PDE4D: variants seen among roughly 807,000 people sequenced by gnomAD.
PDE4D encodes the protein 3',5'-cyclic-AMP phosphodiesterase 4D.
In PDE4D, 24 loss-of-function variants were observed where a neutral mutation model predicts 87.4. The observed-to-expected ratio is 0.27, with a 90% CI of 0.20 to 0.39. The LOEUF (loss-of-function observed/expected upper bound fraction) is 0.39. Ranked by LOEUF, PDE4D falls within the 10% of genes least tolerant of loss-of-function variation. The pLI is 1.00. For synonymous variants in PDE4D, 384 were observed against 383.2 expected (o/e 1.00, Z -0.02); for missense variants, 714 against 1,041.0 (o/e 0.69, Z 4.32).
chr5:59,477,667 G>A (rs1285100938), intron 1 of PDE4D, among the ~76,000 whole-genome samples: 1 of 151,970 alleles, frequency 6.6e-6, no homozygotes, highest in Non-Finnish European at 1.5e-5. Context: ...TTAAAACAGA[G>A]GTACCATTCA....
chr5:59,562,127 GTT>G (rs869050793), intron 1 of PDE4D, among the ~76,000 whole-genome samples: 1 of 151,774 alleles, frequency 6.6e-6, no homozygotes, highest in Non-Finnish European at 1.5e-5. Context: ...AGCCCAAAGT[GTT>G]TTTTGTTTTG....
chr5:59,303,831 C>T (rs562335595), intron 1 of PDE4D, among the ~76,000 whole-genome samples: 1 of 152,058 alleles, frequency 6.6e-6, no homozygotes, highest in African/African-American at 2.4e-5. Context: ...TGTGATGCCT[C>T]CAGATTTGTA....
Position 59,653,848 on chromosome 5 carries a change from A to G in PDE4D, c.455+239320T>C, listed in dbSNP as rs541754584. Among the ~76,000 whole-genome samples, 415 of 138,048 alleles carry G rather than the reference A, an allele frequency of 3.0e-3. 1 individual carries two copies. The highest frequency in any genetic ancestry group is 9.9e-3 in the African/African-American group (373 of 37,620). 90.6% of individuals were successfully genotyped at this position (138,048 alleles called of 152,430 possible). ...ACAGGAGGGAAGAAGGAAGAGGAAAAGGGGGAAAGAAGAAGAAGGGAAGAG... is the reference window on the plus strand; with the variant it reads ...ACAGGAGGGAAGAAGGAAGAGGAAAGGGGGGAAAGAAGAAGAAGGGAAGAG... On this transcript the variant is annotated intron_variant, in intron 1 of 14. Coordinates refer to ENST00000340635, the MANE Select transcript of PDE4D (RefSeq NM_001104631.2).
intron 2 of PDE4D, among the ~76,000 whole-genome samples, chr5:60,015,289 G>C (rs1480504096): frequency 6.6e-6 from 1 of 152,202 alleles, no homozygotes; most frequent in Non-Finnish European, 1.5e-5. Flanking sequence ...GGAAGATTGT[G>C]ATAGCTAGTC....
At chr5:60,395,002 T>G (rs1340716256) in intron 1 of PDE4D, among the ~76,000 whole-genome samples, 1 of 152,180 alleles carries the variant, frequency 6.6e-6, no homozygotes, top group Non-Finnish European at 1.5e-5. Context: ...AGAGCTAATG[T>G]CTAAGGCTAT....
chr5:59,848,652 G>T (rs1744229215), intron 1 of PDE4D, among the ~76,000 whole-genome samples: 1 of 151,980 alleles, frequency 6.6e-6, no homozygotes, highest in African/African-American at 2.4e-5. Context: ...TATTAAGAGT[G>T]AGTAAAGCAC....
chr5:59,590,081 A>G (rs1410809652), intron 1 of PDE4D, among the ~76,000 whole-genome samples: 1 of 152,194 alleles, frequency 6.6e-6, no homozygotes, highest in East Asian at 1.9e-4. Flanking sequence ...ATTTTTGCAG[A>G]CATAAGGCAA....
At chr5:59,264,378 G>T (rs1762515153) in intron 1 of PDE4D, among the ~76,000 whole-genome samples, 2 of 152,014 alleles carry the variant, frequency 1.3e-5, no homozygotes. Flanking sequence ...TTGCAATAAT[G>T]GAGGGATTTC....
intron 1 of PDE4D, among the ~76,000 whole-genome samples, chr5:60,258,306 TAGAA>T (rs1318511071): frequency 2.0e-5 from 3 of 151,656 alleles, no homozygotes; most frequent in Non-Finnish European, 4.4e-5. Context: ...GAAAAATAAA[TAGAA>T]AGACATAAAT....
chr5:60,083,349 A>G (rs1435837036), intron 2 of PDE4D, among the ~76,000 whole-genome samples: 2 of 152,256 alleles, frequency 1.3e-5, no homozygotes, highest in African/African-American at 4.8e-5. Context: ...AGCTATATTG[A>G]GTAGCAAATA....
At chr5:60,158,130 CACTT>C (rs1293964564) in intron 2 of PDE4D, among the ~76,000 whole-genome samples, 1 of 152,124 alleles carries the variant, frequency 6.6e-6, no homozygotes, top group African/African-American at 2.4e-5. Flanking sequence ...AGTCATGTGT[CACTT>C]AATAATTAAA....
intron 1 of PDE4D, among the ~76,000 whole-genome samples, chr5:59,492,729 A>G (rs1012362777): frequency 4.6e-5 from 7 of 152,028 alleles, no homozygotes; most frequent in Admixed American, 1.3e-4. Flanking sequence ...CCCCACCCAA[A>G]TCTCATCTTG....
In PDE4D at chr5:59,274,996, A is replaced by G. The variant is rs373802064; in HGVS notation, c.456-59028T>C. On this transcript the variant is annotated intron_variant, in intron 1 of 14. Coordinates refer to ENST00000340635, the MANE Select transcript of PDE4D (RefSeq NM_001104631.2). Reference sequence around the variant, plus strand: ...ACAAGGGCAAAGCCTGTCAACCACCAGCCTGCTTGCAGCAAGCAAAGAAGA... The same window carrying G: ...ACAAGGGCAAAGCCTGTCAACCACCGGCCTGCTTGCAGCAAGCAAAGAAGA... 1.1e-4 allele frequency among the ~76,000 whole-genome samples: 16 copies of G among 152,286 alleles called. No individual in the cohort carries two copies. In the East Asian group the frequency reaches 1.9e-3, roughly 18 times the overall value.
chr5:60,108,688 C>A (rs1327482753), intron 2 of PDE4D, among the ~76,000 whole-genome samples: 1 of 151,928 alleles, frequency 6.6e-6, no homozygotes, highest in African/African-American at 2.4e-5. Flanking sequence ...CAGAACAGAG[C>A]CCTCAGAAAT....
chr5:60,367,974 G>A (rs1033039114), intron 1 of PDE4D, among the ~76,000 whole-genome samples: 14 of 152,102 alleles, frequency 9.2e-5, no homozygotes, highest in African/African-American at 2.9e-4. Context: ...ATTACTGAGC[G>A]TTCTTTTTCA....
chr5:60,049,410 G>A (rs1374838480), intron 2 of PDE4D, among the ~76,000 whole-genome samples: 1 of 152,204 alleles, frequency 6.6e-6, no homozygotes, highest in Non-Finnish European at 1.5e-5. Flanking sequence ...TGCTGGTGAG[G>A]AACTGCGTTC....
intron 1 of PDE4D, among the ~76,000 whole-genome samples, chr5:60,235,534 C>A (rs1397809681): frequency 6.6e-6 from 1 of 151,834 alleles, no homozygotes; most frequent in South Asian, 2.1e-4. Flanking sequence ...AGCCTAGATC[C>A]CGCTCCACAT....
chr5:60,386,572 T>A (rs1001339979), intron 1 of PDE4D, among the ~76,000 whole-genome samples: 1 of 152,220 alleles, frequency 6.6e-6, no homozygotes, highest in Non-Finnish European at 1.5e-5. Context: ...AGGGGGGTTC[T>A]GCCAGCTCCA....
chr5:59,574,293 T>A (rs1822756219), intron 1 of PDE4D, among the ~76,000 whole-genome samples: 1 of 150,038 alleles, frequency 6.7e-6, no homozygotes, highest in Non-Finnish European at 1.5e-5. Context: ...AGGAACATCA[T>A]ACCTTATTTC....
Sources: gnomAD v4.1 joint callset for allele counts (sites outside exome capture counted in the v4.1 genomes callset) on GRCh38, gnomAD v4.1.1 for gene constraint, MANE v1.5 for transcripts, NCBI Gene and HGNC (gene_info 2026-07-23, HGNC 2026-07-21) for gene names.